The following SPECC1 variants were observed in gnomAD, a reference collection of about 807,000 sequenced individuals.
The protein encoded by SPECC1 is cytospin-B.
SPECC1 carries 62 observed loss-of-function variants against 104.1 expected under a neutral mutation model. The observed-to-expected ratio is 0.60, with a 90% CI of 0.49 to 0.74. The LOEUF (loss-of-function observed/expected upper bound fraction) is 0.74, where lower values mean the gene tolerates loss of function less well. SPECC1 is among the 30% of genes least tolerant of loss of function. The pLI, the probability that SPECC1 is intolerant of heterozygous loss-of-function variation, is 0.00. For synonymous variants in SPECC1, 513 were observed against 501.6 expected (o/e 1.02, Z -0.30); for missense variants, 1,306 against 1,310.5 (o/e 1.00, Z 0.05).
Position 20,315,934 on chromosome 17 carries a change from A to G in SPECC1, c.*1869A>G. 4.3e-6 allele frequency: 1 copy of G among 232,708 alleles called. No homozygotes were observed. The highest frequency in any genetic ancestry group is 8.5e-6 in the Non-Finnish European group (1 of 117,668). The allele number at this position is 232,708 out of a possible 1,614,324, so 14.4% of individuals were successfully genotyped here. ...TGGAATGGGACCAGAGATGCAGTTC[A>G]CATGTTTTGTAAGTTCTTTAGGCGA... On this transcript the variant is annotated 3_prime_UTR_variant, in exon 15 of 15. Transcript: ENST00000395527.
intron 3 of SPECC1, among the ~76,000 whole-genome samples, chr17:20,147,494 T>C (rs2031582718): frequency 6.6e-6 from 1 of 152,080 alleles, no homozygotes; most frequent in African/African-American, 2.4e-5. Flanking sequence ...TTTTAAAGAG[T>C]TCTTATCTTT....
At chr17:20,135,588 A>G (rs2049874834) in intron 3 of SPECC1, among the ~76,000 whole-genome samples, 1 of 152,194 alleles carries the variant, frequency 6.6e-6, no homozygotes, top group African/African-American at 2.4e-5. Flanking sequence ...AATAGTCTGG[A>G]TGGACCACAG....
At chr17:20,150,468 C>T (rs1389319097) in intron 3 of SPECC1, among the ~76,000 whole-genome samples, 3 of 151,528 alleles carry the variant, frequency 2.0e-5, no homozygotes, top group Non-Finnish European at 2.9e-5. Context: ...GGAGAAATCC[C>T]GTCTCTACTA....
intron 1 of SPECC1, among the ~76,000 whole-genome samples, chr17:20,027,592 T>G (rs2044645864): frequency 6.6e-6 from 1 of 152,204 alleles, no homozygotes; most frequent in Non-Finnish European, 1.5e-5. Flanking sequence ...CAGTCTGAGT[T>G]GATTTTTCTA....
At chr17:20,290,027 C>T (rs2041109672) in intron 12 of SPECC1, among the ~76,000 whole-genome samples, 1 of 152,020 alleles carries the variant, frequency 6.6e-6, no homozygotes, top group Non-Finnish European at 1.5e-5. Flanking sequence ...TACACATTCT[C>T]CTTTTTCCTG....
At chr17:20,264,331 G>A (rs963883282) in intron 12 of SPECC1, among the ~76,000 whole-genome samples, 4 of 151,890 alleles carry the variant, frequency 2.6e-5, no homozygotes, top group African/African-American at 7.3e-5. Flanking sequence ...TATGGGTCCC[G>A]TCACCCAGGT....
rs1299326777 is a variant in SPECC1 at position 20,314,783 on chromosome 17, A to G, written c.*718A>G. ...TGCGTGCGCACTCAGCCTTTTGGGG[A>G]AAAATGGGAGTTCTAGGTAACAATG... On this transcript the variant is annotated 3_prime_UTR_variant, in exon 15 of 15. Coordinates refer to ENST00000395527, the MANE Select transcript of SPECC1 (RefSeq NM_001243439.2). 1.0e-5 allele frequency: 2 copies of G among 196,058 alleles called. No homozygotes were observed. Among genetic ancestry groups the G allele is most frequent in the African/African-American group, 2.4e-5 (1 of 41,908 alleles). The allele number at this position is 196,058 out of a possible 1,614,324, so 12.1% of individuals were successfully genotyped here.
intron 14 of SPECC1, among the ~76,000 whole-genome samples, chr17:20,310,887 A>G (rs2041911221): frequency 6.6e-6 from 1 of 151,752 alleles, no homozygotes; most frequent in African/African-American, 2.4e-5. Context: ...TGTATTTACC[A>G]TTTTGGGCAT....
At chr17:20,208,887 ACTC>A (rs1481808113) in intron 4 of SPECC1, among the ~76,000 whole-genome samples, 2 of 152,002 alleles carry the variant, frequency 1.3e-5, no homozygotes, top group Non-Finnish European at 2.9e-5. Context: ...GCAGCCTTGA[ACTC>A]CTGGGCTCAA....
At chr17:20,142,018 G>A (rs2030866946) in intron 3 of SPECC1, among the ~76,000 whole-genome samples, 1 of 152,150 alleles carries the variant, frequency 6.6e-6, no homozygotes, top group African/African-American at 2.4e-5. Context: ...TGGAAAACTT[G>A]AATAGTGTCA....
chr17:20,054,519 A>G (rs1284141350), intron 1 of SPECC1, among the ~76,000 whole-genome samples: 2 of 152,032 alleles, frequency 1.3e-5, no homozygotes, highest in South Asian at 2.1e-4. Flanking sequence ...TACCTGTGTA[A>G]TTGCTGTGAT....
chr17:20,039,039 C>T (rs746613012), intron 1 of SPECC1, among the ~76,000 whole-genome samples: 10 of 152,168 alleles, frequency 6.6e-5, no homozygotes, highest in Non-Finnish European at 1.0e-4. Flanking sequence ...TCACCACAAT[C>T]AATTTTGGAA....
At chr17:20,200,959 A>G (rs1267318567) in intron 3 of SPECC1, among the ~76,000 whole-genome samples, 1 of 152,118 alleles carries the variant, frequency 6.6e-6, no homozygotes, top group South Asian at 2.1e-4. Flanking sequence ...TTCATAATAC[A>G]CATCCATTCA....
rs1266370310 is a variant in SPECC1, at chr17:20,051,060, TTCTTTCTTTTTCTTTCTTTC to T, written c.-22+41638_-22+41657del. The stretch of plus-strand genomic sequence containing the variant: ...AATAAGCACTTGGTTCTTTCTTTCT[TTCTTTCTTTTTCTTTCTTTC>T]TTTCTTTCTTTCTTTCTTTCTTTCT... On this transcript the variant is annotated intron_variant, in intron 1 of 14. Coordinates refer to ENST00000395527, the MANE Select transcript of SPECC1 (RefSeq NM_001243439.2). 9.3e-5 allele frequency among the ~76,000 whole-genome samples: 12 copies of T among 128,700 alleles called. No individual in the cohort carries two copies. In the East Asian group the frequency reaches 2.2e-3, roughly 24 times the overall value. The allele number at this position is 128,700 out of a possible 152,430, so 84.4% of individuals were successfully genotyped here. A position where few individuals can be genotyped will look rare whatever the true frequency, so the allele number is the denominator to read the frequency against.
chr17:20,265,470 G>A (rs1348464924), intron 12 of SPECC1, among the ~76,000 whole-genome samples: 1 of 152,092 alleles, frequency 6.6e-6, no homozygotes, highest in East Asian at 1.9e-4. Flanking sequence ...GTTTTTGCTT[G>A]TGGATTTAAG....
intron 1 of SPECC1, among the ~76,000 whole-genome samples, chr17:20,011,707 G>T (rs2043950222): frequency 6.6e-6 from 1 of 151,796 alleles, no homozygotes; most frequent in Non-Finnish European, 1.5e-5. Flanking sequence ...TGGAAAACCT[G>T]GCTCATTTAT....
At position 20,205,810 on chromosome 17, in the gene SPECC1, C is replaced by G. The variant is rs1205913872; in HGVS notation, c.1761C>G (p.Ala587=). The change falls in exon 4 of 15, where the codon GCC becomes GCG. Residue 587 remains alanine, a synonymous_variant. Coordinates refer to ENST00000395527, the MANE Select transcript of SPECC1 (RefSeq NM_001243439.2). The part of the protein sequence containing the change: ...SCEVQEMLKV[A]RAEKDLLELS... ...AAGTTCAAGAAATGTTGAAAGTAGC[C>G]CGAGCAGAGAAAGATCTACTGGAAC... 9 of 1,613,982 alleles carry G rather than the reference C, an allele frequency of 5.6e-6. No individual in the cohort carries two copies. The highest frequency in any genetic ancestry group is 2.7e-5 in the African/African-American group (2 of 74,898).
intron 1 of SPECC1, among the ~76,000 whole-genome samples, chr17:20,085,383 C>T (rs930581810): frequency 3.9e-5 from 6 of 152,212 alleles, no homozygotes; most frequent in South Asian, 2.1e-4. Context: ...GTTACATAAC[C>T]GTTTCTGTCC....
chr17:20,251,082 C>A (rs567003168), intron 9 of SPECC1, among the ~76,000 whole-genome samples: 1 of 151,896 alleles, frequency 6.6e-6, no homozygotes, highest in Non-Finnish European at 1.5e-5. Context: ...CAAAAATTAG[C>A]TGGGCGTGGT....
Sources: gnomAD v4.1 joint callset for allele counts (sites outside exome capture counted in the v4.1 genomes callset) on GRCh38, gnomAD v4.1.1 for gene constraint, MANE v1.5 for transcripts, NCBI Gene and HGNC (gene_info 2026-07-23, HGNC 2026-07-21) for gene names.